The following PSG7 variants were observed in gnomAD, a reference collection of about 807,000 sequenced individuals.
PSG7 encodes the protein pregnancy specific beta-1-glycoprotein 7, also known as pregnancy-specific beta-1-glycoprotein 7.
PSG7 carries 57 observed loss-of-function variants against 45.6 expected under a neutral mutation model. The ratio of observed to expected loss-of-function variants is 1.25; its 90% CI spans 1.01 to 1.56. PSG7 has a LOEUF of 1.56. Among genes scored for constraint, PSG7 ranks in the 40% most tolerant of loss-of-function variants. The pLI is 0.00. For missense variants in PSG7, 796 were observed against 508.4 expected (o/e 1.57, Z -5.44); for synonymous variants, 298 against 194.4 (o/e 1.53, Z -4.43).
chr19:42,927,783 TG>T (rs1972928295), intron 3 of PSG7, among the ~76,000 whole-genome samples: 1 of 151,512 alleles, frequency 6.6e-6, no homozygotes, highest in African/African-American at 2.4e-5. Context: ...AATCAGAAGT[TG>T]TTCATGGGTG....
intron 2 of PSG7, among the ~76,000 whole-genome samples, chr19:42,935,089 C>A (rs957849970): frequency 4.6e-5 from 7 of 151,728 alleles, no homozygotes; most frequent in African/African-American, 1.5e-4. Context: ...CTCAGTTTTC[C>A]AGGGTCTTTC....
At chr19:42,929,301 G>A in intron 3 of PSG7, 141 bp downstream of exon 3, 1 of 1,557,560 alleles carries the variant, frequency 6.4e-7, no homozygotes, top group Non-Finnish European at 8.7e-7. Context: ...TGGTTTGCCT[G>A]GGGCAGGAAG....
chr19:42,924,916 C>T (rs1342613302), intron 5 of PSG7, 92 bp from the exon 6 acceptor site: 1 of 754,516 alleles, frequency 1.3e-6, no homozygotes, highest in Non-Finnish European at 2.4e-6. Flanking sequence ...TAATTTTTCT[C>T]TCTATGGGCA....
chr19:42,925,517 C>T, intron 5 of PSG7: 2 of 973,482 alleles, frequency 2.1e-6, no homozygotes, highest in East Asian at 2.7e-5. Flanking sequence ...ACATTATCCT[C>T]ATTATTATCA....
In PSG7 at chr19:42,935,692, C is replaced by T. The variant is rs370231373; in HGVS notation, c.142G>A (p.Gly48Arg). The change falls in exon 2 of 6, where the codon GGG becomes AGG. Residue 48 changes from glycine (G) to arginine (R), a missense_variant. Gly to Arg is a moderately radical substitution (Grantham distance 125). Coordinates refer to ENST00000406070, the MANE Select transcript of PSG7 (RefSeq NM_002783.3). ...TGGACAAGTAGAAGAACATCCTTCCCCTCGGAAACTTTTGGTGGCTGGGCT... is the reference window on the plus strand; with the variant it reads ...TGGACAAGTAGAAGAACATCCTTCCTCTCGGAAACTTTTGGTGGCTGGGCT... Reference protein sequence around the residue: ...IEAQPPKVSEGKDVLLLVHNL... With the variant: ...IEAQPPKVSERKDVLLLVHNL... The T allele has an allele frequency of 5.4e-5, 87 of 1,611,940 alleles. 2 individuals are homozygous for T. In the African/African-American group the frequency reaches 9.0e-4, roughly 17 times the overall value.
chr19:42,932,564 C>A (rs563631692), intron 2 of PSG7, among the ~76,000 whole-genome samples: 4 of 151,312 alleles, frequency 2.6e-5, no homozygotes, highest in African/African-American at 9.7e-5. Context: ...CTGATGAGTC[C>A]GTGCAAAGAT....
rs552749458 is a variant in PSG7, at chr19:42,925,815, T to A, written c.1201A>T (p.Thr401Ser). 6.2e-7 allele frequency: 1 copy of A among 1,612,052 alleles called. No individual in the cohort carries two copies. Among genetic ancestry groups the A allele is most frequent in the Admixed American group, 1.7e-5 (1 of 59,892 alleles). The change falls in exon 5 of 6, where the codon ACT (threonine) becomes TCT (serine). Residue 401 changes from threonine (T) to serine (S), a missense_variant. Thr to Ser is a moderately conservative substitution (Grantham distance 58, BLOSUM62 1). Coordinates refer to ENST00000406070, the MANE Select transcript of PSG7 (RefSeq NM_002783.3). ...ACGGATTTGGAGCTTTCCTTGCCAG[T>A]GGCTGAGTTACGAACAGAGCAAGCA... ...LYACSVRNSA[T>S]GKESSKSVTV...
chr19:42,932,065 C>A (rs751489601), intron 2 of PSG7, among the ~76,000 whole-genome samples: 2 of 151,280 alleles, frequency 1.3e-5, no homozygotes, highest in African/African-American at 4.9e-5. Context: ...TCTTTGTCAC[C>A]CAGGCTGGAG....
chr19:42,931,003 T>C (rs1463105628), intron 2 of PSG7, among the ~76,000 whole-genome samples: 4 of 151,638 alleles, frequency 2.6e-5, no homozygotes, highest in Non-Finnish European at 1.5e-5. Flanking sequence ...AATGCGCCAG[T>C]GAGCACTTCT....
chr19:42,937,176 A>G lies in PSG7; in HGVS notation c.-100T>C, dbSNP rs557182814. On this transcript the variant is annotated 5_prime_UTR_variant, in exon 1 of 6. Coordinates refer to ENST00000406070, the MANE Select transcript of PSG7 (RefSeq NM_002783.3). The stretch of plus-strand genomic sequence containing the variant: ...GCTGTGCTGTCCTTCCTCCTTCTGC[A>G]CTGAGCCTCTTCCCGGGGCAGGAGC... 8.2e-4 allele frequency: 1,228 copies of G among 1,495,242 alleles called. 31 individuals are homozygous for G. The highest frequency in any genetic ancestry group is 4.9e-3 in the East Asian group (212 of 43,014). The allele number at this position is 1,495,242 out of a possible 1,614,324, so 92.6% of individuals were successfully genotyped here.
chr19:42,929,351 A>T (rs1381027158), intron 3 of PSG7, 91 bp downstream of exon 3: 1 of 1,605,998 alleles, frequency 6.2e-7, no homozygotes, highest in African/African-American at 1.3e-5. Context: ...AGGTCTACAT[A>T]CTTGGACCTG....
At chr19:42,925,589 T>A in intron 5 of PSG7, 184 bp downstream of exon 5, 1 of 1,396,432 alleles carries the variant, frequency 7.2e-7, no homozygotes, top group South Asian at 1.5e-5. Context: ...TATGAAGATA[T>A]CAGCCTGTTT....
chr19:42,934,247 C>G (rs935633327), intron 2 of PSG7, among the ~76,000 whole-genome samples: 7 of 151,542 alleles, frequency 4.6e-5, no homozygotes, highest in South Asian at 2.1e-4. Flanking sequence ...GTTGAGGCAG[C>G]TGATTTAGTT....
chr19:42,933,284 TATATATATATATATATATATA>T (rs1444436730), intron 2 of PSG7, among the ~76,000 whole-genome samples: 5 of 8,354 alleles, frequency 6.0e-4, no homozygotes, highest in Non-Finnish European at 9.1e-4. Flanking sequence ...TATATATATA[TATATATATATATATATATATA>T]TATTTTTTTT....
At chr19:42,933,899 G>A (rs1973089389) in intron 2 of PSG7, among the ~76,000 whole-genome samples, 1 of 151,366 alleles carries the variant, frequency 6.6e-6, no homozygotes. Context: ...GAGGTAGTGG[G>A]GTGATGAAAC....
chr19:42,925,084 T>C (rs1328397110), intron 5 of PSG7: 1 of 524,980 alleles, frequency 1.9e-6, no homozygotes, highest in Admixed American at 3.3e-5. Flanking sequence ...TAAGTTTTTA[T>C]AAGGAATCTC....
chr19:42,925,775 G>C lies in PSG7; in HGVS notation c.1241C>G (p.Ser414Cys), dbSNP rs767367825. 4 of 1,611,898 alleles carry C rather than the reference G, an allele frequency of 2.5e-6. No homozygotes were observed. The highest frequency in any genetic ancestry group is 1.7e-5 in the Admixed American group (1 of 59,874). ...ESSKSVTVRV[S>C]DWTLP ...CAAGGATGCTGGGATCCACTTACCA[G>C]AGACTCTGACTGTCACGGATTTGGA... Residue 414 changes from serine (S) to cysteine (C), a missense_variant and splice_region_variant, in exon 5 of 6, where the codon TCT becomes TGT. Transcript: ENST00000406070.
At chr19:42,933,488 G>A (rs557275607) in intron 2 of PSG7, among the ~76,000 whole-genome samples, 1 of 148,362 alleles carries the variant, frequency 6.7e-6, no homozygotes, top group East Asian at 2.0e-4. Context: ...TAGTGACCTG[G>A]GGTCATTGGC....
rs147810030 is a variant in PSG7, at chr19:42,931,981, T to C, written c.431-2261A>G. On this transcript the variant is annotated intron_variant, in intron 2 of 5. Transcript: ENST00000406070. ...GCTAGGTATTCTTTCCACAGCTGTGTGCAGTCTACCAGTAAGCATCAAAAG... is the reference window on the plus strand; with the variant it reads ...GCTAGGTATTCTTTCCACAGCTGTGCGCAGTCTACCAGTAAGCATCAAAAG... 1.9e-3 allele frequency among the ~76,000 whole-genome samples: 291 copies of C among 151,678 alleles called. 9 individuals carry two copies. The highest frequency in any genetic ancestry group is 6.8e-3 in the African/African-American group (283 of 41,314).
Sources: allele counts gnomAD v4.1 joint callset (sites outside exome capture counted in the v4.1 genomes callset), GRCh38; gene constraint gnomAD v4.1.1; transcripts MANE v1.5; gene names NCBI Gene and HGNC (gene_info 2026-07-23, HGNC 2026-07-21).